Variants in MAP7 observed in about 807,000 individuals in gnomAD.
MAP7 encodes the protein ensconsin.
MAP7 carries 52 observed loss-of-function variants against 94.8 expected under a neutral mutation model. That is an observed-to-expected ratio of 0.55 (90% CI 0.44 to 0.69). MAP7 has a LOEUF of 0.69. Ranked by LOEUF, MAP7 falls within the 30% of genes least tolerant of loss-of-function variation. The pLI is 0.00. For missense variants in MAP7, 940 were observed against 964.6 expected, an observed-to-expected ratio of 0.97 and a Z score of 0.34; for synonymous variants, 350 against 357.0, an observed-to-expected ratio of 0.98 and a Z score of 0.22.
At chr6:136,489,195 A>T (rs1815733892) in intron 1 of MAP7, among the ~76,000 whole-genome samples, 1 of 152,074 alleles carries the variant, frequency 6.6e-6, no homozygotes, top group African/African-American at 2.4e-5. Flanking sequence ...GAGATTTCAT[A>T]ATTCACCTTG....
At chr6:136,426,649 G>A (rs1793246538) in intron 1 of MAP7, among the ~76,000 whole-genome samples, 1 of 152,246 alleles carries the variant, frequency 6.6e-6, no homozygotes, top group Non-Finnish European at 1.5e-5. Flanking sequence ...TCACTGGGAT[G>A]GAGCACGAGC....
chr6:136,390,159 T>C (rs1780297754), intron 3 of MAP7, among the ~76,000 whole-genome samples: 1 of 152,220 alleles, frequency 6.6e-6, no homozygotes, highest in South Asian at 2.1e-4. Context: ...TTCTTCTTTA[T>C]ATAATACAGG....
At chr6:136,344,398 T>C (rs1015324104) in intron 17 of MAP7, among the ~76,000 whole-genome samples, 160 bp from the exon 18 acceptor site, 10 of 152,218 alleles carry the variant, frequency 6.6e-5, no homozygotes, top group Admixed American at 1.3e-4. Context: ...CAGTCTTATA[T>C]TTAAGTGAAT....
intron 1 of MAP7, among the ~76,000 whole-genome samples, chr6:136,516,929 C>T (rs1825037464): frequency 6.6e-6 from 1 of 150,564 alleles, no homozygotes; most frequent in East Asian, 2.0e-4. Flanking sequence ...TACATGCACA[C>T]GAGCGCACAT....
chr6:136,383,801 T>C lies in MAP7; in HGVS notation c.527-20A>G, dbSNP rs1240369292. 1.4e-6 allele frequency: 2 copies of C among 1,451,560 alleles called. No homozygotes were observed. The highest frequency in any genetic ancestry group is 2.3e-5 in the East Asian group (1 of 43,760). 89.9% of individuals were successfully genotyped at this position (1,451,560 alleles called of 1,614,324 possible). On this transcript the variant is annotated intron_variant, in intron 5 of 17. Transcript: ENST00000354570. ...CTGGATCTAAAACAAATGGAGATAATGCTAATTGACAGCCAACATGTAGGA... is the reference window on the plus strand; with the variant it reads ...CTGGATCTAAAACAAATGGAGATAACGCTAATTGACAGCCAACATGTAGGA...
chr6:136,498,407 A>G (rs1448525812), intron 1 of MAP7, among the ~76,000 whole-genome samples: 2 of 152,048 alleles, frequency 1.3e-5, no homozygotes, highest in African/African-American at 2.4e-5. Flanking sequence ...ATAGGAAGGG[A>G]GATGAAAGGA....
At chr6:136,390,257 T>C (rs1780325870) in intron 3 of MAP7, among the ~76,000 whole-genome samples, 3 of 152,194 alleles carry the variant, frequency 2.0e-5, no homozygotes, top group African/African-American at 4.8e-5. Flanking sequence ...AAAATATCTA[T>C]GAGTTATTAA....
At chr6:136,469,628 C>T (rs1808317369) in intron 1 of MAP7, among the ~76,000 whole-genome samples, 1 of 152,112 alleles carries the variant, frequency 6.6e-6, no homozygotes, top group African/African-American at 2.4e-5. Flanking sequence ...TCAAGCAACC[C>T]TCCCGTGTCG....
chr6:136,454,740 T>TA, intron 1 of MAP7, among the ~76,000 whole-genome samples: 2 of 151,654 alleles, frequency 1.3e-5, no homozygotes, highest in East Asian at 2.0e-4. Context: ...CCCCATCTCT[T>TA]AAAAAAAAGT....
At position 136,480,503 on chromosome 6, in the gene MAP7, A is replaced by C. The variant is rs186921857; in HGVS notation, c.68-58704T>G. 5.5e-3 allele frequency among the ~76,000 whole-genome samples: 829 copies of C among 151,878 alleles called. 6 individuals carry two copies. The highest frequency in any genetic ancestry group is 0.02 in the South Asian group (95 of 4,788). ...TAAAAATACAAACAATTAGCTGGGC[A>C]TGGTGGCGGGTGCCTGTAGTCCCAG... is the stretch of plus-strand genomic sequence containing the variant. On this transcript the variant is annotated intron_variant, in intron 1 of 17. Coordinates refer to ENST00000354570, the MANE Select transcript of MAP7 (RefSeq NM_003980.6).
chr6:136,461,715 G>C (rs556707121), intron 1 of MAP7, among the ~76,000 whole-genome samples: 5 of 152,092 alleles, frequency 3.3e-5, no homozygotes, highest in Non-Finnish European at 7.4e-5. Flanking sequence ...ATGCCTTTAA[G>C]GACTGTTTGG....
At chr6:136,504,590 C>T (rs1397027580) in intron 1 of MAP7, among the ~76,000 whole-genome samples, 6 of 152,160 alleles carry the variant, frequency 3.9e-5, no homozygotes, top group African/African-American at 9.7e-5. Context: ...GCTATCCACC[C>T]GCCTTGGCCT....
intron 1 of MAP7, among the ~76,000 whole-genome samples, chr6:136,507,191 A>G (rs1821791001): frequency 6.6e-6 from 1 of 152,056 alleles, no homozygotes; most frequent in Non-Finnish European, 1.5e-5. Flanking sequence ...GGGGGAAGGC[A>G]GCGTTTTGAG....
At chr6:136,395,408 ATTTTTTTTTT>A (rs34425736) in intron 3 of MAP7, among the ~76,000 whole-genome samples, 1 of 87,700 alleles carries the variant, frequency 1.1e-5, no homozygotes, top group Non-Finnish European at 2.3e-5. Context: ...TTTAATTTGG[ATTTTTTTTTT>A]TTTTTTTTTT....
chr6:136,503,174 GA>G (rs1397704066), intron 1 of MAP7, among the ~76,000 whole-genome samples: 1 of 152,154 alleles, frequency 6.6e-6, no homozygotes, highest in Non-Finnish European at 1.5e-5. Context: ...GCTCTCCTCA[GA>G]AATCTTCCCC....
intron 6 of MAP7, among the ~76,000 whole-genome samples, chr6:136,378,809 G>A (rs546129651): frequency 1.4e-4 from 21 of 152,198 alleles, no homozygotes; most frequent in Non-Finnish European, 2.5e-4. Flanking sequence ...AAAAATATCA[G>A]TAAAGCTTGC....
At position 136,504,010 on chromosome 6, in the gene MAP7, G is replaced by A. The variant is rs149858208; in HGVS notation, c.67+46332C>T. The stretch of plus-strand genomic sequence containing the variant: ...GTTGGGGAATAGTAAATAAACTGCA[G>A]TAAAGTCACACTACAGAATTCTAGG... On this transcript the variant is annotated intron_variant, in intron 1 of 17. Transcript: ENST00000354570. Among the ~76,000 whole-genome samples the A allele has an allele frequency of 4.0e-3, 607 of 152,298 alleles. 5 individuals are homozygous for A. Among genetic ancestry groups the A allele is most frequent in the Non-Finnish European group, 5.3e-3 (363 of 68,010 alleles).
chr6:136,426,936 G>A (rs548941811), intron 1 of MAP7, among the ~76,000 whole-genome samples: 20 of 152,258 alleles, frequency 1.3e-4, no homozygotes, highest in Non-Finnish European at 1.6e-4. Context: ...AATTTAAAAA[G>A]GATCTCATCT....
chr6:136,494,997 C>T (rs1817763558), intron 1 of MAP7, among the ~76,000 whole-genome samples: 1 of 152,242 alleles, frequency 6.6e-6, no homozygotes, highest in South Asian at 2.1e-4. Flanking sequence ...CTAAGGTCAT[C>T]ACTAAAACTT....
Sources: allele counts gnomAD v4.1 joint callset (sites outside exome capture counted in the v4.1 genomes callset), GRCh38; gene constraint gnomAD v4.1.1; transcripts MANE v1.5; gene names NCBI Gene and HGNC (gene_info 2026-07-23, HGNC 2026-07-21).